Variants in XPNPEP1 observed in about 807,000 individuals in gnomAD.
The protein encoded by XPNPEP1 is X-prolyl aminopeptidase 1.
A neutral mutation model predicts 92.4 loss-of-function variants in XPNPEP1; 39 were observed. That is an observed-to-expected ratio of 0.42 (90% CI 0.33 to 0.55). The LOEUF (loss-of-function observed/expected upper bound fraction) is 0.55. Ranked by LOEUF, XPNPEP1 falls within the 20% of genes least tolerant of loss-of-function variation. The probability of loss-of-function intolerance (pLI) is 0.08; values close to 1 mark genes in which losing one functional copy is unlikely to be tolerated. For synonymous variants in XPNPEP1, 307 were observed against 299.4 expected (o/e 1.03, Z -0.26); for missense variants, 654 against 856.1 (o/e 0.76, Z 2.95).
chr10:109,920,034 TAA>T (rs561125587), intron 1 of XPNPEP1, among the ~76,000 whole-genome samples: 3 of 143,436 alleles, frequency 2.1e-5, no homozygotes. Context: ...CCGTCTCATT[TAA>T]AAAAAAAAAA....
At chr10:109,921,373 A>T (rs1301475100) in intron 1 of XPNPEP1, among the ~76,000 whole-genome samples, 1 of 152,204 alleles carries the variant, frequency 6.6e-6, no homozygotes, top group Admixed American at 6.5e-5. Flanking sequence ...TCTCAACTTC[A>T]TGATGAGCCA....
chr10:109,896,420 A>G (rs1052451479), intron 3 of XPNPEP1, among the ~76,000 whole-genome samples: 4 of 147,646 alleles, frequency 2.7e-5, no homozygotes, highest in African/African-American at 7.5e-5. Context: ...CTGGGACTAC[A>G]GCAGGCACAC....
At chr10:109,906,027 C>T (rs1849539973) in intron 3 of XPNPEP1, among the ~76,000 whole-genome samples, 1 of 152,198 alleles carries the variant, frequency 6.6e-6, no homozygotes, top group Non-Finnish European at 1.5e-5. Flanking sequence ...CTTGTCGCAA[C>T]CATGTAGACC....
At chr10:109,872,522 G>C (rs974413348) in intron 16 of XPNPEP1, among the ~76,000 whole-genome samples, 1 of 152,244 alleles carries the variant, frequency 6.6e-6, no homozygotes, top group African/African-American at 2.4e-5. Flanking sequence ...AGCACAAAAA[G>C]AGTCACACCA....
In XPNPEP1 at chr10:109,907,685, C is replaced by A. The variant is rs1849628158; in HGVS notation, c.246+6G>T. 6.2e-7 allele frequency: 1 copy of A among 1,614,158 alleles called. No homozygotes were observed. Among genetic ancestry groups the A allele is most frequent in the Non-Finnish European group, 8.5e-7 (1 of 1,179,994 alleles). ...AAGAAAGGAGAGGCCCATTGCCATG[C>A]AGTACCTGATGAGCATCTCCCGATG... On this transcript the variant is annotated splice_donor_region_variant and intron_variant, in intron 3 of 20. Coordinates refer to ENST00000502935, the MANE Select transcript of XPNPEP1 (RefSeq NM_020383.4).
chr10:109,865,134 T>C lies in XPNPEP1; in HGVS notation c.*50A>G. 1 of 1,608,856 alleles carries C rather than the reference T, an allele frequency of 6.2e-7. No homozygotes were observed. The highest frequency in any genetic ancestry group is 1.1e-5 in the South Asian group (1 of 90,962). ...AAAGATGTCAGGGATCTGCCACGTTTCTTCCTTCCTCCAGAGCATTTTACA... is the reference window on the plus strand; with the variant it reads ...AAAGATGTCAGGGATCTGCCACGTTCCTTCCTTCCTCCAGAGCATTTTACA... On this transcript the variant is annotated 3_prime_UTR_variant, in exon 21 of 21. Coordinates refer to ENST00000502935, the MANE Select transcript of XPNPEP1 (RefSeq NM_020383.4).
chr10:109,914,678 C>G (rs1850078629), intron 2 of XPNPEP1, among the ~76,000 whole-genome samples: 1 of 151,936 alleles, frequency 6.6e-6, no homozygotes, highest in Non-Finnish European at 1.5e-5. Flanking sequence ...CGCCTGTAAT[C>G]CCAGCTACTC....
In XPNPEP1 at chr10:109,878,012, T is replaced by C. The variant is rs756763141; in HGVS notation, c.1229A>G (p.Glu410Gly). ...AATGGATCCTTACCTGCGAAACTCC[T>C]CAGCTTTGTCAGCAGCTGAGATCTC... ...VTEISAADKA[E>G]EFRRQQADFV... Residue 410 changes from glutamate to glycine, a missense_variant, in exon 13 of 21, where the codon GAG becomes GGG. Glu to Gly is a moderately conservative substitution (Grantham distance 98). Transcript: ENST00000502935. The C allele has an allele frequency of 5.0e-6, 8 of 1,614,244 alleles. No homozygotes were observed. Among genetic ancestry groups the C allele is most frequent in the Non-Finnish European group, 5.9e-6 (7 of 1,180,040 alleles).
At position 109,884,112 on chromosome 10, in the gene XPNPEP1, T is replaced by C; in HGVS notation, c.785A>G (p.Asn262Ser). The C allele has an allele frequency of 6.2e-7, 1 of 1,614,066 alleles. No homozygotes were observed. The highest frequency in any genetic ancestry group is 8.5e-7 in the Non-Finnish European group (1 of 1,179,968). Residue 262 changes from asparagine (N) to serine (S), a missense_variant, in exon 9 of 21, where the codon AAT (asparagine) becomes AGT (serine). By Grantham distance (46) the Asn-to-Ser change is conservative. Transcript: ENST00000502935. ...FNLRGSDVEHNPVFFSYAIIG... is the reference protein window; with the variant it reads ...FNLRGSDVEHSPVFFSYAIIG... ...GATTGCGTAGGAGAAAAATACTGGATTGTGCTCCACATCTGATCCTCGGAG... is the reference window on the plus strand; with the variant it reads ...GATTGCGTAGGAGAAAAATACTGGACTGTGCTCCACATCTGATCCTCGGAG...
At chr10:109,908,830 G>A (rs1849698695) in intron 2 of XPNPEP1, among the ~76,000 whole-genome samples, 1 of 152,130 alleles carries the variant, frequency 6.6e-6, no homozygotes, top group African/African-American at 2.4e-5. Context: ...TAAACCTTTT[G>A]TTAAATATCC....
chr10:109,918,621 C>G (rs1469951820), intron 1 of XPNPEP1, among the ~76,000 whole-genome samples: 1 of 151,514 alleles, frequency 6.6e-6, no homozygotes, highest in Non-Finnish European at 1.5e-5. Flanking sequence ...ATTAGCCAGG[C>G]ATGGTGGCGG....
chr10:109,906,960 TTTACC>T (rs1442524448), intron 3 of XPNPEP1, among the ~76,000 whole-genome samples: 7 of 152,154 alleles, frequency 4.6e-5, no homozygotes, highest in African/African-American at 1.4e-4. Flanking sequence ...CTTACCACAT[TTTACC>T]TTACAATACA....
Position 109,864,982 on chromosome 10 carries a change from T to C in XPNPEP1, c.*202A>G. ...CAGCAATTTTATTCTTGGCTTGTTC[T>C]CAACAATTAAAAAATCATAAAAGAC... On this transcript the variant is annotated 3_prime_UTR_variant, in exon 21 of 21. Transcript: ENST00000502935. 1 of 781,600 alleles carries C rather than the reference T, an allele frequency of 1.3e-6. No homozygotes were observed. Among genetic ancestry groups the C allele is most frequent in the East Asian group, 3.0e-5 (1 of 32,812 alleles). 48.4% of individuals were successfully genotyped at this position (781,600 alleles called of 1,614,324 possible).
At chr10:109,915,778 C>G (rs1252021967) in intron 1 of XPNPEP1, among the ~76,000 whole-genome samples, 1 of 152,138 alleles carries the variant, frequency 6.6e-6, no homozygotes, top group Non-Finnish European at 1.5e-5. Context: ...TAGTCTAATG[C>G]CCTGGACACC....
chr10:109,888,063 C>G lies in XPNPEP1; in HGVS notation c.638G>C (p.Gly213Ala), dbSNP rs755089585. ...ERPCKPLLTLGLDYTGISWKD... is the reference protein window; with the variant it reads ...ERPCKPLLTLALDYTGISWKD... ...TTGATTCTGACCTGTGTAATCCAGGCCCAGTGTGAGGAGAGGCTTGCAAGG... is the reference window on the plus strand; with the variant it reads ...TTGATTCTGACCTGTGTAATCCAGGGCCAGTGTGAGGAGAGGCTTGCAAGG... Residue 213 changes from glycine (G) to alanine (A), a missense_variant, in exon 7 of 21, where the codon GGC (glycine) becomes GCC (alanine). Gly to Ala is a moderately conservative substitution (Grantham distance 60). Coordinates refer to ENST00000502935, the MANE Select transcript of XPNPEP1 (RefSeq NM_020383.4). 1 of 1,614,028 alleles carries G rather than the reference C, an allele frequency of 6.2e-7. No homozygotes were observed. The highest frequency in any genetic ancestry group is 8.5e-7 in the Non-Finnish European group (1 of 1,180,006).
intron 16 of XPNPEP1, among the ~76,000 whole-genome samples, chr10:109,873,133 T>G (rs1392394830): frequency 6.6e-6 from 1 of 152,232 alleles, no homozygotes; most frequent in East Asian, 1.9e-4. Context: ...ATATTTAAAC[T>G]TACACCTGAG....
intron 3 of XPNPEP1, chr10:109,893,389 T>C (rs934113842): frequency 4.1e-6 from 1 of 241,706 alleles, no homozygotes; most frequent in Non-Finnish European, 7.9e-6. Flanking sequence ...AAACCAATAA[T>C]AGCCTTCTCC....
intron 5 of XPNPEP1, among the ~76,000 whole-genome samples, chr10:109,889,526 A>C (rs960044186): frequency 1.3e-5 from 2 of 152,242 alleles, no homozygotes; most frequent in African/African-American, 4.8e-5. Flanking sequence ...CCAGGATGAG[A>C]CAGCCCTTTC....
intron 20 of XPNPEP1, among the ~76,000 whole-genome samples, chr10:109,866,031 G>A (rs1019883219): frequency 3.9e-5 from 6 of 152,118 alleles, no homozygotes; most frequent in Admixed American, 2.6e-4. Flanking sequence ...GGTTGTATAC[G>A]GGAAAAGGTG....
Sources: allele counts gnomAD v4.1 joint callset (sites outside exome capture counted in the v4.1 genomes callset), GRCh38; gene constraint gnomAD v4.1.1; transcripts MANE v1.5; gene names NCBI Gene and HGNC (gene_info 2026-07-23, HGNC 2026-07-21).